The following ST6GAL1 variants were observed in gnomAD, a reference collection of about 807,000 sequenced individuals.
ST6GAL1 encodes beta-galactoside alpha-2,6-sialyltransferase 1.
ST6GAL1 carries 20 observed loss-of-function variants against 38.0 expected under a neutral mutation model. The observed-to-expected ratio is 0.53, with a 90% confidence interval of 0.37 to 0.77. The LOEUF is 0.77. Among genes scored for constraint, ST6GAL1 ranks in the 30% least tolerant of loss-of-function variants. The pLI, the probability that ST6GAL1 is intolerant of heterozygous loss-of-function variation, is 0.00. For synonymous variants in ST6GAL1, 196 were observed against 188.2 expected (o/e 1.04, Z -0.34); for missense variants, 432 against 496.4 (o/e 0.87, Z 1.23).
chr3:187,067,142 A>T (rs377479975), intron 5 of ST6GAL1, among the ~76,000 whole-genome samples: 1 of 124,444 alleles, frequency 8.0e-6, no homozygotes, highest in Non-Finnish European at 1.6e-5. Flanking sequence ...GCTGGAGTGC[A>T]GTGGTGCGAT....
chr3:186,941,497 A>G (rs899735695), intron 1 of ST6GAL1, among the ~76,000 whole-genome samples: 1 of 152,188 alleles, frequency 6.6e-6, no homozygotes, highest in Admixed American at 6.5e-5. Flanking sequence ...TCTGCAAGAG[A>G]TAAAAATAAG....
chr3:187,072,520 T>A, intron 5 of ST6GAL1: 1 of 358,324 alleles, frequency 2.8e-6, no homozygotes, highest in South Asian at 2.3e-5. Flanking sequence ...GACTCCACTC[T>A]TGTGACCACC....
intron 1 of ST6GAL1, among the ~76,000 whole-genome samples, chr3:186,935,370 AG>A (rs1310367571): frequency 1.5e-5 from 2 of 136,684 alleles, no homozygotes; most frequent in Admixed American, 7.4e-5. Context: ...AGTATTCCAT[AG>A]TATATATATA....
At chr3:186,953,686 G>A (rs997375340) in intron 1 of ST6GAL1, among the ~76,000 whole-genome samples, 1 of 152,102 alleles carries the variant, frequency 6.6e-6, no homozygotes, top group African/African-American at 2.4e-5. Flanking sequence ...CCAGAGCAAT[G>A]CCTCAGGTAT....
rs202232283 is a variant in ST6GAL1 at position 187,075,552 on chromosome 3, C to G, written c.980-10C>G. The G allele has an allele frequency of 1.9e-6, 3 of 1,613,350 alleles. No homozygotes were observed. On this transcript the variant is annotated splice_polypyrimidine_tract_variant and intron_variant, in intron 7 of 7. Coordinates refer to ENST00000169298, the MANE Select transcript of ST6GAL1 (RefSeq NM_173216.2). The surrounding 1 kb of genome is among the most constrained non-coding windows in gnomAD (Gnocchi z 4.1). The stretch of plus-strand genomic sequence containing the variant: ...TGTCAGGCATGACTCACCTCTGCTC[C>G]CCTCTCCAGGTATCATCATCATGAT...
chr3:187,017,337 T>A (rs1186573367), intron 2 of ST6GAL1, among the ~76,000 whole-genome samples: 1 of 152,200 alleles, frequency 6.6e-6, no homozygotes, highest in Non-Finnish European at 1.5e-5. Flanking sequence ...ATCCATTACA[T>A]CAGAAGCTAC....
chr3:187,014,010 C>T lies in ST6GAL1; in HGVS notation c.-182-24732C>T, dbSNP rs1364303261. ...AATGAAGACTTTTCACACCCAACAG[C>T]GGTCAAGCCGGGCCTCAGCCTTCTG... is the stretch of plus-strand genomic sequence containing the variant. On this transcript the variant is annotated intron_variant, in intron 2 of 7. Transcript: ENST00000169298. Among the ~76,000 whole-genome samples the T allele has an allele frequency of 2.6e-4, 39 of 152,208 alleles. 1 individual carries two copies. Among genetic ancestry groups the T allele is most frequent in the Admixed American group, 2.4e-3 (36 of 15,288 alleles).
At chr3:186,990,811 C>T (rs1716141486) in intron 2 of ST6GAL1, among the ~76,000 whole-genome samples, 1 of 151,296 alleles carries the variant, frequency 6.6e-6, no homozygotes, top group African/African-American at 2.4e-5. Context: ...AAAACTTCAT[C>T]TCAAAAAAGA....
Position 187,076,666 on chromosome 3 carries a change from TAGAGGAAGAGAAGAAAC to T in ST6GAL1, c.*865_*881del, listed in dbSNP as rs1560188387. 2 of 396,456 alleles carry T rather than the reference TAGAGGAAGAGAAGAAAC, an allele frequency of 5.0e-6. No individual in the cohort carries two copies. Among genetic ancestry groups the T allele is most frequent in the Non-Finnish European group, 8.9e-6 (2 of 225,394 alleles). The allele number at this position is 396,456 out of a possible 1,614,324, so 24.6% of individuals were successfully genotyped here. ...GCACAGGGGGCATTCAGATGAGTCT[TAGAGGAAGAGAAGAAAC>T]ATGGCAAGCAGATTACATCTGAGCC... On this transcript the variant is annotated 3_prime_UTR_variant, in exon 8 of 8. Transcript: ENST00000169298.
rs140405822 is a variant in ST6GAL1, at chr3:187,028,272, C to T, written c.-182-10470C>T. On this transcript the variant is annotated intron_variant, in intron 2 of 7. Transcript: ENST00000169298. The stretch of plus-strand genomic sequence containing the variant: ...CAATAAGTGGCTCAATATATGACTT[C>T]TCTAAAGTCATATATCTTTTAGTTA... 4.9e-3 allele frequency among the ~76,000 whole-genome samples: 747 copies of T among 152,234 alleles called. 5 individuals carry two copies. Among genetic ancestry groups the T allele is most frequent in the Middle Eastern group, 0.031 (9 of 294 alleles).
intron 1 of ST6GAL1, among the ~76,000 whole-genome samples, chr3:186,937,369 G>A (rs989602806): frequency 2.6e-5 from 4 of 152,082 alleles, no homozygotes; most frequent in East Asian, 1.9e-4. Context: ...ATCACCCGTC[G>A]GTTCTTTAGA....
At chr3:187,039,169 G>C (rs1718040666) in intron 3 of ST6GAL1, among the ~76,000 whole-genome samples, 1 of 152,204 alleles carries the variant, frequency 6.6e-6, no homozygotes, top group Non-Finnish European at 1.5e-5. Context: ...CTGGTACTGA[G>C]TATGTCATGA....
At chr3:186,969,434 C>T (rs571547582) in intron 2 of ST6GAL1, among the ~76,000 whole-genome samples, 2 of 152,280 alleles carry the variant, frequency 1.3e-5, no homozygotes, top group South Asian at 4.1e-4. Context: ...TGATATTGAG[C>T]TTCATTTTTA....
At chr3:187,006,014 G>A (rs1308718142) in intron 2 of ST6GAL1, 1 of 152,380 alleles carries the variant, frequency 6.6e-6, no homozygotes, top group Non-Finnish European at 1.5e-5. Context: ...GCCAACCTGA[G>A]TTCAGTATGG....
chr3:187,026,202 G>A (rs769331692), intron 2 of ST6GAL1, among the ~76,000 whole-genome samples: 3 of 152,318 alleles, frequency 2.0e-5, no homozygotes, highest in South Asian at 4.2e-4. Flanking sequence ...TGAGCAAAAC[G>A]GTGACTTGTC....
At chr3:187,057,354 G>A (rs565154163) in intron 5 of ST6GAL1, among the ~76,000 whole-genome samples, 89 of 152,320 alleles carry the variant, frequency 5.8e-4, no homozygotes, top group African/African-American at 2.0e-3. Context: ...TTGCTGGCGA[G>A]GAGCTGCGAT....
intron 5 of ST6GAL1, among the ~76,000 whole-genome samples, chr3:187,063,365 G>GA (rs1718986622): frequency 6.6e-6 from 1 of 152,218 alleles, no homozygotes. Flanking sequence ...GGCCAAGTCA[G>GA]AAGGAGGCTG....
In ST6GAL1 at chr3:187,025,326, T is replaced by C. The variant is rs559863519; in HGVS notation, c.-182-13416T>C. Among the ~76,000 whole-genome samples, 151 of 152,174 alleles carry C rather than the reference T, an allele frequency of 9.9e-4. 1 individual carries two copies. The highest frequency in any genetic ancestry group is 3.3e-3 in the African/African-American group (136 of 41,488). ...GAGACAGTTCCTCTTTCTGAGGAGA[T>C]GGCGGGCCCGTTTTCTTCTTTGTCT... On this transcript the variant is annotated intron_variant, in intron 2 of 7. Transcript: ENST00000169298.
chr3:186,956,896 C>G (rs544496915), intron 1 of ST6GAL1, among the ~76,000 whole-genome samples: 1 of 152,202 alleles, frequency 6.6e-6, no homozygotes, highest in South Asian at 2.1e-4. Context: ...ACAACAACAG[C>G]ACTAGAAACT....
Sources: gnomAD v4.1 joint callset for allele counts (sites outside exome capture counted in the v4.1 genomes callset) on GRCh38, gnomAD v4.1.1 for gene constraint, Gnocchi (gnomAD v3.1) non-coding constraint, MANE v1.5 for transcripts, NCBI Gene and HGNC (gene_info 2026-07-23, HGNC 2026-07-21) for gene names.